The following ARHGAP26 variants were observed in gnomAD, a reference collection of about 807,000 sequenced individuals.
ARHGAP26 encodes the protein Rho GTPase activating protein 26.
ARHGAP26 carries 38 observed loss-of-function variants against 104.8 expected under a neutral mutation model. The ratio of observed to expected loss-of-function variants is 0.36; its 90% CI spans 0.28 to 0.48. The LOEUF (loss-of-function observed/expected upper bound fraction) is 0.48. Ranked by LOEUF, ARHGAP26 falls within the 20% of genes least tolerant of loss-of-function variation. The pLI, the probability that ARHGAP26 is intolerant of heterozygous loss-of-function variation, is 0.99. For synonymous variants in ARHGAP26, 341 were observed against 340.0 expected, an observed-to-expected ratio of 1.00 and a Z score of -0.03; for missense variants, 704 against 947.9, an observed-to-expected ratio of 0.74 and a Z score of 3.38.
intron 1 of ARHGAP26, among the ~76,000 whole-genome samples, chr5:142,843,513 G>A (rs375468392): frequency 6.6e-6 from 1 of 152,220 alleles, no homozygotes; most frequent in Non-Finnish European, 1.5e-5. Context: ...GCAAACCCAC[G>A]TGCTTTGCAC....
chr5:142,894,103 ATTC>A (rs1759126726), intron 5 of ARHGAP26, 132 bp from the exon 6 acceptor site: 2 of 622,116 alleles, frequency 3.2e-6, no homozygotes, highest in Non-Finnish European at 5.8e-6. Flanking sequence ...TACTATAGTT[ATTC>A]TTCTTCTGTG....
In ARHGAP26 at chr5:142,873,050, G is replaced by T. The variant is rs989094789; in HGVS notation, c.155-350G>T. ...GGAGGGTCAGTGGCAGAGCAGACCT[G>T]CAGGCTGTGGACACTAATGTTGGCT... On this transcript the variant is annotated intron_variant, in intron 1 of 22. Transcript: ENST00000645722. 3.3e-5 allele frequency among the ~76,000 whole-genome samples: 5 copies of T among 152,220 alleles called. 1 individual carries two copies. The highest frequency in any genetic ancestry group is 7.3e-5 in the Non-Finnish European group (5 of 68,038).
At chr5:143,097,535 C>G (rs938598901) in intron 17 of ARHGAP26, among the ~76,000 whole-genome samples, 1 of 150,534 alleles carries the variant, frequency 6.6e-6, no homozygotes, top group Admixed American at 6.6e-5. Context: ...TTGCCTTATG[C>G]AATGGCCGGG....
chr5:142,991,120 G>A (rs1277111813), intron 11 of ARHGAP26, among the ~76,000 whole-genome samples: 3 of 152,166 alleles, frequency 2.0e-5, no homozygotes, highest in African/African-American at 7.2e-5. Context: ...CCCAGTTCGA[G>A]CTTCCTGGCC....
At chr5:143,094,530 C>T (rs1282907522) in intron 17 of ARHGAP26, among the ~76,000 whole-genome samples, 1 of 152,164 alleles carries the variant, frequency 6.6e-6, no homozygotes, top group Non-Finnish European at 1.5e-5. Context: ...AGTTTCAGTG[C>T]CACAAAAGGA....
chr5:143,130,818 A>G (rs2150874080), intron 18 of ARHGAP26, among the ~76,000 whole-genome samples: 1 of 152,354 alleles, frequency 6.6e-6, no homozygotes, highest in East Asian at 1.9e-4. Context: ...CAGAGTCATT[A>G]ATGAAAGTTT....
intron 18 of ARHGAP26, among the ~76,000 whole-genome samples, chr5:143,132,775 A>G (rs533031592): frequency 5.1e-4 from 77 of 152,130 alleles, no homozygotes; most frequent in Non-Finnish European, 7.6e-4. Flanking sequence ...CATAGTGCCT[A>G]CTATAAAAGA....
intron 1 of ARHGAP26, among the ~76,000 whole-genome samples, chr5:142,823,319 G>A (rs1293926684): frequency 6.6e-6 from 1 of 152,202 alleles, no homozygotes; most frequent in Non-Finnish European, 1.5e-5. Flanking sequence ...AACATGATCA[G>A]TATATGCAGA....
At chr5:143,025,518 G>A (rs544154046) in intron 12 of ARHGAP26, among the ~76,000 whole-genome samples, 1 of 152,336 alleles carries the variant, frequency 6.6e-6, no homozygotes, top group South Asian at 2.1e-4. Flanking sequence ...AAACCACCGG[G>A]CCTTAAGGCA....
rs190156262 is a variant in ARHGAP26, at chr5:142,952,805, G to A, written c.1107+20680G>A. Among the ~76,000 whole-genome samples, 873 of 152,256 alleles carry A rather than the reference G, an allele frequency of 5.7e-3. 2 individuals are homozygous for A. Among genetic ancestry groups the A allele is most frequent in the Non-Finnish European group, 9.3e-3 (634 of 68,006 alleles). On this transcript the variant is annotated intron_variant, in intron 11 of 22. Transcript: ENST00000645722. ...GCTCACTGCAACCTCCGCCTCCCGGGTTCAAGCAATTCTCTGCCTCAGCCT... is the reference window on the plus strand; with the variant it reads ...GCTCACTGCAACCTCCGCCTCCCGGATTCAAGCAATTCTCTGCCTCAGCCT...
intron 11 of ARHGAP26, among the ~76,000 whole-genome samples, chr5:142,978,085 G>A (rs1474349817): frequency 1.3e-5 from 2 of 152,132 alleles, no homozygotes; most frequent in Non-Finnish European, 2.9e-5. Context: ...GTTCTTGTAG[G>A]CCTTCCCACA....
chr5:142,798,751 C>A (rs1228274408), intron 1 of ARHGAP26, among the ~76,000 whole-genome samples: 1 of 152,078 alleles, frequency 6.6e-6, no homozygotes, highest in Non-Finnish European at 1.5e-5. Context: ...GTTATATATC[C>A]CTCCCCTCTT....
intron 8 of ARHGAP26, among the ~76,000 whole-genome samples, chr5:142,905,542 C>T (rs1386677387): frequency 6.6e-6 from 1 of 152,174 alleles, no homozygotes; most frequent in African/African-American, 2.4e-5. Context: ...ATCATTCCTT[C>T]TCTCTCTGTG....
chr5:142,866,137 A>G (rs933954895), intron 1 of ARHGAP26, among the ~76,000 whole-genome samples: 3 of 151,834 alleles, frequency 2.0e-5, no homozygotes, highest in African/African-American at 7.3e-5. Context: ...GCCCTAGCAC[A>G]GTCTACCTTA....
chr5:143,105,554 A>G (rs1331398956), intron 17 of ARHGAP26, among the ~76,000 whole-genome samples: 1 of 152,120 alleles, frequency 6.6e-6, no homozygotes, highest in Non-Finnish European at 1.5e-5. Flanking sequence ...GTGGGTGTAT[A>G]TATGTTTAAG....
chr5:143,155,182 T>C (rs927791114), intron 20 of ARHGAP26, among the ~76,000 whole-genome samples: 1 of 152,212 alleles, frequency 6.6e-6, no homozygotes, highest in Non-Finnish European at 1.5e-5. Context: ...TTGCCCCTCC[T>C]TGCTCCCCAC....
chr5:142,772,510 G>A (rs1047243184), intron 1 of ARHGAP26, among the ~76,000 whole-genome samples: 1 of 152,234 alleles, frequency 6.6e-6, no homozygotes, highest in Admixed American at 6.5e-5. Flanking sequence ...ACTGGGTACT[G>A]CACTGGGCAC....
At chr5:142,890,268 C>G (rs586084) in intron 5 of ARHGAP26, among the ~76,000 whole-genome samples, 62,656 of 142,924 alleles carry the variant, frequency 0.44, 17,730 homozygotes, top group East Asian at 0.91. Context: ...ATTTCTTACT[C>G]TATGTTGAAG....
At chr5:143,196,926 G>C (rs968376469) in intron 20 of ARHGAP26, among the ~76,000 whole-genome samples, 3 of 152,138 alleles carry the variant, frequency 2.0e-5, no homozygotes, top group Non-Finnish European at 4.4e-5. Flanking sequence ...TTAGTAAGTA[G>C]GTGAATTTGC....
Sources: allele counts gnomAD v4.1 joint callset (sites outside exome capture counted in the v4.1 genomes callset), GRCh38; gene constraint gnomAD v4.1.1; transcripts MANE v1.5; gene names NCBI Gene and HGNC (gene_info 2026-07-23, HGNC 2026-07-21).